INCA1: variants seen among roughly 807,000 people sequenced by gnomAD.
INCA1 encodes the protein protein INCA1.
Under a neutral mutation model 25.7 loss-of-function variants are expected in INCA1, and 28 were observed. The observed-to-expected ratio is 1.09, with a 90% confidence interval of 0.81 to 1.49. The LOEUF is 1.49. Ranked by LOEUF, INCA1 falls within the 40% of genes most tolerant of loss-of-function variation. The pLI, the probability that INCA1 is intolerant of heterozygous loss-of-function variation, is 0.00. For synonymous variants in INCA1, 111 were observed against 103.6 expected, an observed-to-expected ratio of 1.07 and a Z score of -0.43; for missense variants, 309 against 290.9, an observed-to-expected ratio of 1.06 and a Z score of -0.45.
intron 2 of INCA1, among the ~76,000 whole-genome samples, chr17:4,991,885 C>G (rs1737099655): frequency 6.6e-6 from 1 of 152,172 alleles, no homozygotes; most frequent in Non-Finnish European, 1.5e-5. Context: ...TTTGACCACT[C>G]CTCATCATTC....
exon 5 of INCA1, chr17:4,989,537 GCCT>G (rs1597802248): frequency 1.9e-6 from 3 of 1,614,186 alleles, no homozygotes; most frequent in Non-Finnish European, 2.5e-6. Flanking sequence ...TCCAAACATG[GCCT>G]CCTCTTCTTT....
intron 2 of INCA1, 54 bp downstream of exon 2, chr17:4,994,340 T>G: frequency 1.9e-6 from 3 of 1,542,640 alleles, no homozygotes; most frequent in Non-Finnish European, 2.7e-6. Context: ...GACCCAGGCA[T>G]GCAATATCCC....
intron 1 of INCA1, among the ~76,000 whole-genome samples, chr17:4,996,666 C>CA (rs35732129): frequency 0.039 from 2,024 of 51,748 alleles, 259 homozygotes; most frequent in African/African-American, 0.14. Flanking sequence ...GACTCCGTCT[C>CA]AAAAAAAAAA....
At chr17:4,994,003 C>T (rs1200494896) in intron 2 of INCA1, among the ~76,000 whole-genome samples, 2 of 147,028 alleles carry the variant, frequency 1.4e-5, no homozygotes, top group Non-Finnish European at 3.0e-5. Flanking sequence ...AACTCCTGAT[C>T]TCAGGTGATC....
At chr17:4,996,457 G>A (rs1328097066) in intron 1 of INCA1, among the ~76,000 whole-genome samples, 2 of 151,284 alleles carry the variant, frequency 1.3e-5, no homozygotes, top group African/African-American at 4.9e-5. Flanking sequence ...TGAGGTGGGC[G>A]GATCACTTGA....
chr17:4,990,614 G>A (rs971210297), intron 2 of INCA1, among the ~76,000 whole-genome samples: 5 of 152,070 alleles, frequency 3.3e-5, no homozygotes, highest in African/African-American at 1.2e-4. Flanking sequence ...GGGCGTGGTG[G>A]CTCATGCCTG....
chr17:4,989,309 C>A, intron 5 of INCA1, 119 bp downstream of exon 5: 1 of 925,256 alleles, frequency 1.1e-6, no homozygotes, highest in Non-Finnish European at 1.7e-6. Flanking sequence ...TTCCAAGCAA[C>A]CTCCCCTCAA....
chr17:4,988,678 C>A, intron 6 of INCA1, 101 bp downstream of exon 6: 1 of 1,574,952 alleles, frequency 6.3e-7, no homozygotes, highest in South Asian at 1.1e-5. Flanking sequence ...TTGTTTCTCT[C>A]AAATCCAGCT....
In INCA1 at chr17:4,990,348, C is replaced by G. The variant is rs981157543; in HGVS notation, c.45-83G>C. On this transcript the variant is annotated intron_variant, in intron 2 of 6. Coordinates refer to ENST00000576820, the Ensembl canonical transcript of INCA1. ...TCCCAAGGATTCAGGGGCCATCTTT[C>G]CATGGGACTATAAAGCTGCCCAGGT... is the stretch of plus-strand genomic sequence containing the variant. The G allele has an allele frequency of 8.1e-6, 12 of 1,475,454 alleles. No homozygotes were observed. In the Admixed American group the frequency reaches 9.5e-5, roughly 12 times the overall value. 91.4% of individuals were successfully genotyped at this position (1,475,454 alleles called of 1,614,324 possible). A position where few individuals can be genotyped will look rare whatever the true frequency, so the allele number is the denominator to read the frequency against.
chr17:4,990,551 T>C (rs999060842), intron 2 of INCA1, among the ~76,000 whole-genome samples: 4 of 152,064 alleles, frequency 2.6e-5, no homozygotes, highest in South Asian at 2.1e-4. Flanking sequence ...CTGGGCCACA[T>C]TGGAAGAAGA....
intron 1 of INCA1, 136 bp from the exon 2 acceptor site, chr17:4,994,611 G>T: frequency 1.6e-6 from 1 of 606,680 alleles, no homozygotes. Flanking sequence ...CCAATATAGT[G>T]AAACCCCATC....
At chr17:4,990,063 C>T in intron 3 of INCA1, 89 bp downstream of exon 3, 2 of 1,610,286 alleles carry the variant, frequency 1.2e-6, no homozygotes, top group South Asian at 1.1e-5. Flanking sequence ...AAATTAACCG[C>T]AGACTAGGGC....
At chr17:4,992,698 TTCCC>T (rs1411478458) in intron 2 of INCA1, among the ~76,000 whole-genome samples, 1 of 148,302 alleles carries the variant, frequency 6.7e-6, no homozygotes, top group Non-Finnish European at 1.5e-5. Context: ...CTCTCCTTCT[TTCCC>T]TCCCTCCCTC....
exon 5 of INCA1, chr17:4,989,486 C>A (rs144625575): frequency 1.7e-5 from 27 of 1,614,132 alleles, no homozygotes; most frequent in Non-Finnish European, 2.3e-5. Flanking sequence ...ACAGCCCTCA[C>A]CCGGGCGGGG....
rs778661739 is a variant in INCA1 at position 4,988,778 on chromosome 17, C to T, written c.561+1G>A. The T allele has an allele frequency of 1.2e-5, 19 of 1,614,052 alleles. No homozygotes were observed. In the South Asian group the frequency reaches 2.1e-4, roughly 18 times the overall value. On this transcript the variant is annotated splice_donor_variant, in intron 6 of 6. Transcript: ENST00000576820. LOFTEE classifies it high-confidence loss of function. Reference sequence around the variant, plus strand: ...TCCACCCAGTTCCACTCCAACAATACCTGGGCCCTGCCAGGAGTGAGAAAA... The same window carrying T: ...TCCACCCAGTTCCACTCCAACAATATCTGGGCCCTGCCAGGAGTGAGAAAA...
At chr17:4,989,664 C>G (rs757823483) in intron 4 of INCA1, 40 bp from the exon 5 acceptor site, 4 of 1,606,506 alleles carry the variant, frequency 2.5e-6, no homozygotes, top group Non-Finnish European at 3.4e-6. Context: ...GAAAGAAGAA[C>G]TGGCTCTCTC....
exon 3 of INCA1, chr17:4,990,161 T>A: frequency 6.2e-7 from 1 of 1,614,164 alleles, no homozygotes; most frequent in East Asian, 2.2e-5. Flanking sequence ...CGTGGGCCTT[T>A]GATTAAGGTT....
intron 2 of INCA1, among the ~76,000 whole-genome samples, chr17:4,991,476 T>C (rs192786464): frequency 1.3e-5 from 2 of 152,326 alleles, no homozygotes; most frequent in African/African-American, 2.4e-5. Context: ...CTAATATCCT[T>C]GTAAATAGGA....
exon 1 of INCA1, chr17:4,997,028 G>A (rs922984343): frequency 6.5e-6 from 1 of 153,020 alleles, no homozygotes; most frequent in African/African-American, 2.4e-5. Context: ...GGATGGAGCT[G>A]AAGGAAGCCA....
Sources: gnomAD v4.1 joint callset for allele counts (sites outside exome capture counted in the v4.1 genomes callset) on GRCh38, gnomAD v4.1.1 for gene constraint, MANE v1.5 for transcripts, NCBI Gene and HGNC (gene_info 2026-07-23, HGNC 2026-07-21) for gene names.